The following ARID5A variants were observed in gnomAD, a reference collection of about 807,000 sequenced individuals.
ARID5A encodes the protein AT-rich interactive domain-containing protein 5A.
A neutral mutation model predicts 30.5 loss-of-function variants in ARID5A; 14 were observed. The ratio of observed to expected loss-of-function variants is 0.46; its 90% confidence interval spans 0.30 to 0.72. The LOEUF is 0.72. Ranked by LOEUF, ARID5A falls within the 30% of genes least tolerant of loss-of-function variation. The probability of loss-of-function intolerance (pLI) is 0.07; values close to 1 mark genes in which losing one functional copy is unlikely to be tolerated. For missense variants in ARID5A, 669 were observed against 786.2 expected (o/e 0.85, Z 1.78); for synonymous variants, 338 against 340.4 (o/e 0.99, Z 0.08).
Position 96,550,478 on chromosome 2 carries a change from C to CGGCGCCG in ARID5A, c.411-94_411-88dup. On this transcript the variant is annotated intron_variant, in intron 5 of 6. Transcript: ENST00000357485. This position sits in a 1 kb window ranked among gnomAD's most constrained non-coding sequence, Gnocchi z 6.6. ...TTTGGGACCAGGAGAGGGCCTTCCT[C>CGGCGCCG]GGCGCCGGCGGGGAAGGGGGCTCAG... 4.8e-6 allele frequency: 7 copies of CGGCGCCG among 1,469,258 alleles called. No homozygotes were observed. In the South Asian group the frequency reaches 5.5e-5, roughly 12 times the overall value. 91.0% of individuals were successfully genotyped at this position (1,469,258 alleles called of 1,614,324 possible).
chr2:96,550,444 A>C lies in ARID5A; in HGVS notation c.411-130A>C. On this transcript the variant is annotated intron_variant, in intron 5 of 6. Coordinates refer to ENST00000357485, the MANE Select transcript of ARID5A (RefSeq NM_212481.3). This position sits in a 1 kb window ranked among gnomAD's most constrained non-coding sequence, Gnocchi z 6.6. ...GCTGGCTGGGCGCACTCACTGAGGG[A>C]GCTGAAGCTTTGGGACCAGGAGAGG... 7.0e-7 allele frequency: 1 copy of C among 1,433,880 alleles called. No homozygotes were observed. The highest frequency in any genetic ancestry group is 1.5e-5 in the South Asian group (1 of 68,792). 88.8% of individuals were successfully genotyped at this position (1,433,880 alleles called of 1,614,324 possible).
At chr2:96,540,534 G>A (rs2065827615) in intron 1 of ARID5A, among the ~76,000 whole-genome samples, 1 of 152,124 alleles carries the variant, frequency 6.6e-6, no homozygotes. Context: ...TTTTCTAGCT[G>A]CACAAAACTC....
Position 96,551,533 on chromosome 2 carries a change from G to A in ARID5A, c.1005G>A (p.Pro335=), listed in dbSNP as rs376744058. 9.2e-5 allele frequency: 147 copies of A among 1,604,232 alleles called. No homozygotes were observed. Among genetic ancestry groups the A allele is most frequent in the Non-Finnish European group, 1.1e-4 (131 of 1,175,976 alleles). Reference sequence around the variant, plus strand: ...AGGAGGCGCAGGCAGGCCCCTGCCCGGCAGCCCCCATCTTCAAGGGCTGCT... The same window carrying A: ...AGGAGGCGCAGGCAGGCCCCTGCCCAGCAGCCCCCATCTTCAAGGGCTGCT... The part of the protein sequence containing the change: ...LREEAQAGPC[P]AAPIFKGCFY... The change falls in exon 7 of 7, where the codon CCG becomes CCA. Residue 335 remains proline (P), a synonymous_variant. Coordinates refer to ENST00000357485, the MANE Select transcript of ARID5A (RefSeq NM_212481.3).
chr2:96,547,590 G>T, intron 2 of ARID5A, 73 bp downstream of exon 2: 4 of 1,372,500 alleles, frequency 2.9e-6, no homozygotes, highest in Non-Finnish European at 4.1e-6. Flanking sequence ...GCCTCCAGGT[G>T]AACCTGGACA....
intron 1 of ARID5A, among the ~76,000 whole-genome samples, chr2:96,543,700 G>A (rs144013165): frequency 6.6e-6 from 1 of 152,072 alleles, no homozygotes; most frequent in Admixed American, 6.6e-5. Context: ...TGGCCTCCCT[G>A]TTGCCTAAGG....
rs1021864172 is a variant in ARID5A, at chr2:96,537,639, G to A, written c.4+809G>A. On this transcript the variant is annotated intron_variant, in intron 1 of 6. Coordinates refer to ENST00000357485, the MANE Select transcript of ARID5A (RefSeq NM_212481.3). The surrounding 1 kb of genome is among the most constrained non-coding windows in gnomAD (Gnocchi z 4.8). Reference sequence around the variant, plus strand: ...CGGGGTGGCGGCTGGGGAGCGTCAGGGGAAGAGGGCAAGAGCGTGGGCTAC... The same window carrying A: ...CGGGGTGGCGGCTGGGGAGCGTCAGAGGAAGAGGGCAAGAGCGTGGGCTAC... 1 of 153,942 alleles carries A rather than the reference G, an allele frequency of 6.5e-6. No individual in the cohort carries two copies. Among genetic ancestry groups the A allele is most frequent in the African/African-American group, 2.4e-5 (1 of 41,496 alleles). The allele number at this position is 153,942 out of a possible 1,614,324, so 9.5% of individuals were successfully genotyped here.
chr2:96,541,655 T>C (rs2065847454), intron 1 of ARID5A, among the ~76,000 whole-genome samples: 1 of 152,252 alleles, frequency 6.6e-6, no homozygotes, highest in South Asian at 2.1e-4. Flanking sequence ...AGATTCCAGA[T>C]GTGTTACAAG....
At position 96,550,053 on chromosome 2, in the gene ARID5A, G is replaced by A. The variant is rs1379331805; in HGVS notation, c.313-135G>A. ...GTCCATGGCCCTAGGAGAGAGAATC[G>A]GCTGGCCGCTGCTGGAGCCGCAGAG... is the stretch of plus-strand genomic sequence containing the variant. On this transcript the variant is annotated intron_variant, in intron 4 of 6. Coordinates refer to ENST00000357485, the MANE Select transcript of ARID5A (RefSeq NM_212481.3). This position sits in a 1 kb window ranked among gnomAD's most constrained non-coding sequence, Gnocchi z 6.6. 3.9e-6 allele frequency: 6 copies of A among 1,532,794 alleles called. No individual in the cohort carries two copies. In the Admixed American group the frequency reaches 7.9e-5, roughly 20 times the overall value. 94.9% of individuals were successfully genotyped at this position (1,532,794 alleles called of 1,614,324 possible). A position where few individuals can be genotyped will look rare whatever the true frequency, so the allele number is the denominator to read the frequency against.
chr2:96,547,321 G>A, intron 1 of ARID5A, 81 bp from the exon 2 acceptor site: 3 of 1,203,266 alleles, frequency 2.5e-6, no homozygotes, highest in East Asian at 2.5e-5. Context: ...AGTAGGGAGA[G>A]TGCTCCTGTT....
At chr2:96,544,299 T>A (rs2065889759) in intron 1 of ARID5A, among the ~76,000 whole-genome samples, 1 of 152,234 alleles carries the variant, frequency 6.6e-6, no homozygotes, top group Admixed American at 6.5e-5. Flanking sequence ...TCCATGTAGA[T>A]GAAACAGCTT....
chr2:96,550,351 G>A lies in ARID5A; in HGVS notation c.410+66G>A. ...TGCGGGGCTTTGGCCGACCTTGCCG[G>A]GAGGGCCGGGTGGACTCTGCCCGGA... On this transcript the variant is annotated intron_variant, in intron 5 of 6. Coordinates refer to ENST00000357485, the MANE Select transcript of ARID5A (RefSeq NM_212481.3). The surrounding 1 kb of genome is among the most constrained non-coding windows in gnomAD (Gnocchi z 6.6). 3 of 1,423,418 alleles carry A rather than the reference G, an allele frequency of 2.1e-6. No individual in the cohort carries two copies. The highest frequency in any genetic ancestry group is 2.7e-6 in the Non-Finnish European group (3 of 1,096,010). 88.2% of individuals were successfully genotyped at this position (1,423,418 alleles called of 1,614,324 possible). A position where few individuals can be genotyped will look rare whatever the true frequency, so the allele number is the denominator to read the frequency against.
In ARID5A at chr2:96,551,544, T is replaced by G. The variant is rs1440364105; in HGVS notation, c.1016T>G (p.Ile339Ser). The change falls in exon 7 of 7, where the codon ATC (isoleucine) becomes AGC (serine). Residue 339 changes from isoleucine to serine, a missense_variant. By Grantham distance (142) the Ile-to-Ser change is moderately radical. This residue lies in a region of ARID5A where 548 missense variants were observed against 577.4 expected (regional missense o/e 0.95). Transcript: ENST00000357485. ...GCAGGCCCCTGCCCGGCAGCCCCCA[T>G]CTTCAAGGGCTGCTTCTACACCCAC... ...AQAGPCPAAP[I>S]FKGCFYTHPT... 6.2e-7 allele frequency: 1 copy of G among 1,607,134 alleles called. No individual in the cohort carries two copies. Among genetic ancestry groups the G allele is most frequent in the South Asian group, 1.1e-5 (1 of 90,142 alleles).
rs762023972 is a variant in ARID5A at position 96,551,798 on chromosome 2, G to A, written c.1270G>A (p.Val424Ile). The change falls in exon 7 of 7, where the codon GTC (valine) becomes ATC (isoleucine). Residue 424 changes from valine to isoleucine, a missense_variant. Val to Ile is a conservative substitution (Grantham distance 29). Around this residue, in one of 4 missense-constraint regions of ARID5A, gnomAD observed 548 missense variants for 577.4 expected, o/e 0.95. Transcript: ENST00000357485. The stretch of plus-strand genomic sequence containing the variant: ...CTGCTGGGTGTCCCCCATGGCCAAG[G>A]TCCCAGCCGAGAGCCCCACGCTCCC... ...KACWVSPMAK[V>I]PAESPTLPPT... is the part of the protein sequence containing the mutation. 3.2e-6 allele frequency: 5 copies of A among 1,577,536 alleles called. No homozygotes were observed. The South Asian group carries it at 5.8e-5, about 18-fold the overall frequency.
At position 96,537,964 on chromosome 2, in the gene ARID5A, C is replaced by G; in HGVS notation, c.4+1134C>G. 1 of 985,548 alleles carries G rather than the reference C, an allele frequency of 1.0e-6. No individual in the cohort carries two copies. The highest frequency in any genetic ancestry group is 1.2e-6 in the Non-Finnish European group (1 of 830,016). The allele number at this position is 985,548 out of a possible 1,614,324, so 61.1% of individuals were successfully genotyped here. A position where few individuals can be genotyped will look rare whatever the true frequency, so the allele number is the denominator to read the frequency against. On this transcript the variant is annotated intron_variant, in intron 1 of 6. Coordinates refer to ENST00000357485, the MANE Select transcript of ARID5A (RefSeq NM_212481.3). The surrounding 1 kb of genome is among the most constrained non-coding windows in gnomAD (Gnocchi z 4.8). ...CCCACCCGGGCTCCTCTGGTGGGAGCCCACACGCACGGTGGCGTCACTGCG... is the reference window on the plus strand; with the variant it reads ...CCCACCCGGGCTCCTCTGGTGGGAGGCCACACGCACGGTGGCGTCACTGCG...
rs779134455 is a variant in ARID5A, at chr2:96,550,137, C to G, written c.313-51C>G. ...GAGGGCGGCCGGAGCTGCAAGGACCCCGCCGCCAGGGGGCGCCCGCCGGCC... is the reference window on the plus strand; with the variant it reads ...GAGGGCGGCCGGAGCTGCAAGGACCGCGCCGCCAGGGGGCGCCCGCCGGCC... On this transcript the variant is annotated intron_variant, in intron 4 of 6. Transcript: ENST00000357485. The surrounding 1 kb of genome is among the most constrained non-coding windows in gnomAD (Gnocchi z 6.6). The G allele has an allele frequency of 1.1e-5, 17 of 1,530,800 alleles. No individual in the cohort carries two copies. Among genetic ancestry groups the G allele is most frequent in the South Asian group, 1.2e-5 (1 of 83,702 alleles). 94.8% of individuals were successfully genotyped at this position (1,530,800 alleles called of 1,614,324 possible). A position where few individuals can be genotyped will look rare whatever the true frequency, so the allele number is the denominator to read the frequency against.
At position 96,550,378 on chromosome 2, in the gene ARID5A, C is replaced by A. The variant is rs964818541; in HGVS notation, c.410+93C>A. ...AGGGCCGGGTGGACTCTGCCCGGAG[C>A]GGGCAGGGTATGCGCCGTCCTCAGA... On this transcript the variant is annotated intron_variant, in intron 5 of 6. Transcript: ENST00000357485. This position sits in a 1 kb window ranked among gnomAD's most constrained non-coding sequence, Gnocchi z 6.6. 7.0e-7 allele frequency: 1 copy of A among 1,426,486 alleles called. No individual in the cohort carries two copies. Among genetic ancestry groups the A allele is most frequent in the South Asian group, 1.5e-5 (1 of 66,534 alleles). The allele number at this position is 1,426,486 out of a possible 1,614,324, so 88.4% of individuals were successfully genotyped here.
Position 96,537,867 on chromosome 2 carries a change from T to C in ARID5A, c.4+1037T>C, listed in dbSNP as rs1449418064. On this transcript the variant is annotated intron_variant, in intron 1 of 6. Coordinates refer to ENST00000357485, the MANE Select transcript of ARID5A (RefSeq NM_212481.3). This position sits in a 1 kb window ranked among gnomAD's most constrained non-coding sequence, Gnocchi z 4.8. ...CAAGGCGCTGCGGGTCCAGTGTCCCTTTGTTTGCAGAGTCTTGGGCCAGTA... is the reference window on the plus strand; with the variant it reads ...CAAGGCGCTGCGGGTCCAGTGTCCCCTTGTTTGCAGAGTCTTGGGCCAGTA... 5 of 985,334 alleles carry C rather than the reference T, an allele frequency of 5.1e-6. No individual in the cohort carries two copies. The highest frequency in any genetic ancestry group is 6.0e-6 in the Non-Finnish European group (5 of 829,980). The allele number at this position is 985,334 out of a possible 1,614,324, so 61.0% of individuals were successfully genotyped here. A position where few individuals can be genotyped will look rare whatever the true frequency, so the allele number is the denominator to read the frequency against.
Position 96,539,785 on chromosome 2 carries a change from T to G in ARID5A, c.4+2955T>G, listed in dbSNP as rs541032245. Among the ~76,000 whole-genome samples the G allele has an allele frequency of 2.0e-5, 3 of 150,502 alleles. No individual in the cohort carries two copies. Among genetic ancestry groups the G allele is most frequent in the Non-Finnish European group, 4.4e-5 (3 of 67,852 alleles). ...GCCCCCTCCCATCCCTGAGCCTGGA[T>G]GCCTTAGCAGTCAACACAGACCTGC... On this transcript the variant is annotated intron_variant, in intron 1 of 6. Transcript: ENST00000357485. The surrounding 1 kb of genome is among the most constrained non-coding windows in gnomAD (Gnocchi z 4.7).
rs964858753 is a variant in ARID5A at position 96,550,101 on chromosome 2, C to G, written c.313-87C>G. 6 of 1,531,380 alleles carry G rather than the reference C, an allele frequency of 3.9e-6. No individual in the cohort carries two copies. The highest frequency in any genetic ancestry group is 5.2e-6 in the Non-Finnish European group (6 of 1,144,488). 94.9% of individuals were successfully genotyped at this position (1,531,380 alleles called of 1,614,324 possible). ...GAGCAGCTGCCAAACTGCAGTCCTT[C>G]GAGTCCCTGCGAGGGCGGCCGGAGC... On this transcript the variant is annotated intron_variant, in intron 4 of 6. Coordinates refer to ENST00000357485, the MANE Select transcript of ARID5A (RefSeq NM_212481.3). This position sits in a 1 kb window ranked among gnomAD's most constrained non-coding sequence, Gnocchi z 6.6.
Sources: allele counts gnomAD v4.1 joint callset (sites outside exome capture counted in the v4.1 genomes callset), GRCh38; gene constraint gnomAD v4.1.1; regional missense constraint gnomAD v4.1.1; non-coding constraint Gnocchi (gnomAD v3.1); transcripts MANE v1.5; gene names NCBI Gene and HGNC (gene_info 2026-07-23, HGNC 2026-07-21).